Variants in GPM6A observed in about 807,000 individuals in gnomAD.
GPM6A encodes the protein glycoprotein M6A, also known as neuronal membrane glycoprotein M6-a.
GPM6A carries 7 observed loss-of-function variants against 32.1 expected under a neutral mutation model. The observed-to-expected ratio is 0.22, with a 90% CI of 0.12 to 0.41. GPM6A has a LOEUF of 0.41. Among genes scored for constraint, GPM6A ranks in the 10% least tolerant of loss-of-function variants. GPM6A has a pLI of 1.00. For synonymous variants in GPM6A, 130 were observed against 123.4 expected (o/e 1.05, Z -0.35); for missense variants, 235 against 347.2 (o/e 0.68, Z 2.57).
intron 1 of GPM6A, among the ~76,000 whole-genome samples, chr4:175,859,923 ATAAAC>A (rs1736523534): frequency 6.6e-6 from 1 of 152,156 alleles, no homozygotes; most frequent in Admixed American, 6.6e-5. Flanking sequence ...TATTTAAAAA[ATAAAC>A]TATACATTTC....
intron 1 of GPM6A, among the ~76,000 whole-genome samples, chr4:175,832,201 T>TAACA (rs1735638631): frequency 6.6e-6 from 1 of 152,076 alleles, no homozygotes; most frequent in South Asian, 2.1e-4. Context: ...ACTCATTTAG[T>TAACA]AACAAACAAA....
At chr4:175,911,366 A>G (rs1738310439) in intron 1 of GPM6A, among the ~76,000 whole-genome samples, 1 of 152,152 alleles carries the variant, frequency 6.6e-6, no homozygotes, top group African/African-American at 2.4e-5. Flanking sequence ...AAACATTGGC[A>G]AGAGGTTTTT....
chr4:175,983,514 C>T (rs1561022559), intron 1 of GPM6A, among the ~76,000 whole-genome samples: 1 of 152,050 alleles, frequency 6.6e-6, no homozygotes, highest in Non-Finnish European at 1.5e-5. Flanking sequence ...TTGTCTAATG[C>T]TTTTTCTATG....
chr4:175,787,528 C>A (rs1027391025), intron 1 of GPM6A: 14 of 1,442,910 alleles, frequency 9.7e-6, no homozygotes, highest in Non-Finnish European at 1.2e-5. Flanking sequence ...AGGTTGATTT[C>A]ATCAGTATCA....
chr4:175,712,113 G>A (rs1408685504), intron 1 of GPM6A, among the ~76,000 whole-genome samples: 1 of 152,120 alleles, frequency 6.6e-6, no homozygotes, highest in African/African-American at 2.4e-5. Context: ...GATCAGACAA[G>A]GAAGAACAAC....
intron 1 of GPM6A, among the ~76,000 whole-genome samples, chr4:175,765,508 T>G (rs1732927424): frequency 6.6e-6 from 1 of 152,214 alleles, no homozygotes; most frequent in African/African-American, 2.4e-5. Flanking sequence ...GCCTCAAACA[T>G]TTCTCTTTTC....
intron 4 of GPM6A, among the ~76,000 whole-genome samples, chr4:175,648,170 T>A (rs1741582521): frequency 6.6e-6 from 1 of 152,070 alleles, no homozygotes; most frequent in Non-Finnish European, 1.5e-5. Flanking sequence ...GAAATAAGGT[T>A]TTTGACTTTG....
intron 1 of GPM6A, among the ~76,000 whole-genome samples, chr4:175,866,072 T>C (rs999700630): frequency 2.6e-5 from 4 of 152,232 alleles, no homozygotes; most frequent in African/African-American, 9.6e-5. Context: ...ATTTAAAATG[T>C]TATCCAAGTT....
At chr4:175,727,559 T>C (rs911450543) in intron 1 of GPM6A, among the ~76,000 whole-genome samples, 7 of 152,194 alleles carry the variant, frequency 4.6e-5, no homozygotes, top group African/African-American at 1.7e-4. Context: ...AGTAGATCCA[T>C]GGGGAAAATG....
At chr4:175,660,576 TAAC>T (rs1053524768) in intron 3 of GPM6A, among the ~76,000 whole-genome samples, 20 of 152,076 alleles carry the variant, frequency 1.3e-4, no homozygotes, top group Admixed American at 6.6e-5. Context: ...TGCTAAAAAA[TAAC>T]AAAAATATTG....
At chr4:175,663,614 C>G (rs902013184) in intron 3 of GPM6A, among the ~76,000 whole-genome samples, 1 of 151,908 alleles carries the variant, frequency 6.6e-6, no homozygotes, top group Admixed American at 6.6e-5. Context: ...TATTTGAAAC[C>G]AATATGTGGT....
At chr4:175,821,229 A>C (rs1735268776) in intron 1 of GPM6A, among the ~76,000 whole-genome samples, 1 of 152,180 alleles carries the variant, frequency 6.6e-6, no homozygotes, top group African/African-American at 2.4e-5. Context: ...GATTTCCTTA[A>C]GTATCTCATA....
chr4:175,787,514 C>A (rs1018170026), intron 1 of GPM6A: 1 of 1,454,550 alleles, frequency 6.9e-7, no homozygotes, highest in African/African-American at 1.4e-5. Flanking sequence ...TTTGTTCCAC[C>A]TTTAGGTTGA....
At chr4:175,846,469 C>T (rs1158937461) in intron 1 of GPM6A, among the ~76,000 whole-genome samples, 1 of 151,980 alleles carries the variant, frequency 6.6e-6, no homozygotes, top group Non-Finnish European at 1.5e-5. Flanking sequence ...ATCTTTGTAA[C>T]CCGAAGCCAA....
intron 1 of GPM6A, chr4:175,805,863 C>G (rs185404505): frequency 6.6e-6 from 1 of 152,052 alleles, no homozygotes; most frequent in African/African-American, 2.4e-5. Flanking sequence ...GTTATATTTC[C>G]CACTCACAAT....
chr4:175,647,679 G>A (rs1455044085), intron 4 of GPM6A, among the ~76,000 whole-genome samples: 1 of 152,126 alleles, frequency 6.6e-6, no homozygotes, highest in African/African-American at 2.4e-5. Flanking sequence ...ATACTAAGGA[G>A]ACAACTCTGC....
chr4:175,634,631 T>C lies in GPM6A; in HGVS notation c.*274A>G. 3.0e-6 allele frequency: 1 copy of C among 329,448 alleles called. No individual in the cohort carries two copies. The highest frequency in any genetic ancestry group is 5.9e-5 in the East Asian group (1 of 16,880). 20.4% of individuals were successfully genotyped at this position (329,448 alleles called of 1,614,324 possible). A position where few individuals can be genotyped will look rare whatever the true frequency, so the allele number is the denominator to read the frequency against. On this transcript the variant is annotated 3_prime_UTR_variant, in exon 7 of 7. Coordinates refer to ENST00000393658, the MANE Select transcript of GPM6A (RefSeq NM_201591.3). ...AAATCTTTGCATTTGACAATGTTAGTATCTTTGATTTTACAGAACTAGTAA... is the reference window on the plus strand; with the variant it reads ...AAATCTTTGCATTTGACAATGTTAGCATCTTTGATTTTACAGAACTAGTAA...
chr4:175,968,390 C>T (rs1740395940), intron 1 of GPM6A, among the ~76,000 whole-genome samples: 2 of 151,970 alleles, frequency 1.3e-5, no homozygotes, highest in African/African-American at 4.8e-5. Flanking sequence ...GACAGATTAC[C>T]AAACATATGA....
intron 1 of GPM6A, among the ~76,000 whole-genome samples, chr4:175,723,524 G>A (rs1176024869): frequency 6.6e-6 from 1 of 152,048 alleles, no homozygotes; most frequent in African/African-American, 2.4e-5. Context: ...ATACTAAAAG[G>A]CAGGCAAAAG....
Sources: gnomAD v4.1 joint callset for allele counts (sites outside exome capture counted in the v4.1 genomes callset) on GRCh38, gnomAD v4.1.1 for gene constraint, MANE v1.5 for transcripts, NCBI Gene and HGNC (gene_info 2026-07-23, HGNC 2026-07-21) for gene names.